HBS1L: variants seen among roughly 807,000 people sequenced by gnomAD.
HBS1L encodes HBS1 like translational GTPase, also known as HBS1-like protein.
HBS1L carries 55 observed loss-of-function variants against 88.9 expected under a neutral mutation model. The observed-to-expected ratio is 0.62, with a 90% CI of 0.50 to 0.77. HBS1L has a LOEUF of 0.77. Ranked by LOEUF, HBS1L falls within the 30% of genes least tolerant of loss-of-function variation. The pLI is 0.00. For synonymous variants in HBS1L, 267 were observed against 288.5 expected (o/e 0.93, Z 0.76); for missense variants, 741 against 829.3 (o/e 0.89, Z 1.31).
intron 4 of HBS1L, among the ~76,000 whole-genome samples, chr6:135,009,719 C>T (rs949155175): frequency 2.0e-5 from 3 of 151,934 alleles, no homozygotes; most frequent in South Asian, 2.1e-4. Context: ...CTGCAAGCTC[C>T]GCCTCCTGGG....
chr6:135,021,035 CA>C, intron 4 of HBS1L, among the ~76,000 whole-genome samples: 1 of 152,068 alleles, frequency 6.6e-6, no homozygotes, highest in Admixed American at 6.5e-5. Context: ...GTATTAGAAA[CA>C]TATTGCTGTG....
intron 2 of HBS1L, among the ~76,000 whole-genome samples, chr6:135,045,944 T>G (rs535533583): frequency 6.6e-6 from 1 of 152,346 alleles, no homozygotes; most frequent in African/African-American, 2.4e-5. Flanking sequence ...ATACGCCACT[T>G]TGTGGACCAT....
intron 8 of HBS1L, among the ~76,000 whole-genome samples, chr6:134,989,549 T>C (rs1225293198): frequency 6.6e-6 from 1 of 152,154 alleles, no homozygotes; most frequent in Admixed American, 6.6e-5. Flanking sequence ...ATTTCAGATA[T>C]AATATATAAT....
chr6:134,969,806 T>C (rs745934205), intron 15 of HBS1L, among the ~76,000 whole-genome samples: 5 of 152,202 alleles, frequency 3.3e-5, no homozygotes, highest in Non-Finnish European at 5.9e-5. Flanking sequence ...TTTATAGCGT[T>C]GTGATGAAAA....
At chr6:134,969,972 G>A (rs1774434852) in intron 15 of HBS1L, among the ~76,000 whole-genome samples, 1 of 152,130 alleles carries the variant, frequency 6.6e-6, no homozygotes, top group East Asian at 1.9e-4. Flanking sequence ...TAGAGGTAAA[G>A]AGGAAGGAAA....
intron 4 of HBS1L, among the ~76,000 whole-genome samples, chr6:135,021,207 A>T (rs1776061395): frequency 6.6e-6 from 1 of 152,086 alleles, no homozygotes; most frequent in Admixed American, 6.5e-5. Context: ...AATTTAGTAC[A>T]TTTGGTGTAA....
In HBS1L at chr6:135,046,867, T is replaced by G. The variant is rs76688402; in HGVS notation, c.109+3715A>C. Among the ~76,000 whole-genome samples the G allele has an allele frequency of 2.0e-3, 298 of 152,352 alleles. 1 individual carries two copies. The highest frequency in any genetic ancestry group is 6.9e-3 in the African/African-American group (288 of 41,586). ...AAATATTCTTCTAAAACCATTCATTTTTTATTGAAAATTACTTGGAAAATA... is the reference window on the plus strand; with the variant it reads ...AAATATTCTTCTAAAACCATTCATTGTTTATTGAAAATTACTTGGAAAATA... On this transcript the variant is annotated intron_variant, in intron 2 of 17. Coordinates refer to ENST00000367837, the MANE Select transcript of HBS1L (RefSeq NM_006620.4).
chr6:135,037,114 T>C (rs1776577942), intron 4 of HBS1L: 2 of 1,551,452 alleles, frequency 1.3e-6, no homozygotes, highest in African/African-American at 1.4e-5. Context: ...ATTCTCAAGG[T>C]CTCTTGTGGG....
chr6:134,994,190 TG>T (rs1385284263), intron 7 of HBS1L, among the ~76,000 whole-genome samples: 1 of 151,976 alleles, frequency 6.6e-6, no homozygotes, highest in South Asian at 2.1e-4. Context: ...CAACTCTAAA[TG>T]GGGGGAAAAT....
At chr6:135,035,381 C>T (rs1165344381) in intron 4 of HBS1L, among the ~76,000 whole-genome samples, 1 of 151,466 alleles carries the variant, frequency 6.6e-6, no homozygotes, top group Non-Finnish European at 1.5e-5. Flanking sequence ...ACCCGGGAGG[C>T]GGAGGCTGCA....
In HBS1L at chr6:135,054,644, C is replaced by T; in HGVS notation, c.43+5G>A. The T allele has an allele frequency of 6.2e-7, 1 of 1,614,248 alleles. No homozygotes were observed. Among genetic ancestry groups the T allele is most frequent in the Non-Finnish European group, 8.5e-7 (1 of 1,180,034 alleles). On this transcript the variant is annotated splice_donor_5th_base_variant and intron_variant, in intron 1 of 17. Coordinates refer to ENST00000367837, the MANE Select transcript of HBS1L (RefSeq NM_006620.4). Reference sequence around the variant, plus strand: ...AGAACGTCCCGGCATGACCCTGCCACCTACCTTCATCGTAGTTATAGCCTC... The same window carrying T: ...AGAACGTCCCGGCATGACCCTGCCATCTACCTTCATCGTAGTTATAGCCTC...
At chr6:134,991,354 A>G (rs1385228625) in intron 8 of HBS1L, among the ~76,000 whole-genome samples, 1 of 152,224 alleles carries the variant, frequency 6.6e-6, no homozygotes. Context: ...CATGGATTCA[A>G]CACAGTACTC....
intron 3 of HBS1L, among the ~76,000 whole-genome samples, 191 bp from the exon 4 acceptor site, chr6:135,039,958 T>C (rs1227014053): frequency 6.6e-6 from 1 of 152,238 alleles, no homozygotes; most frequent in African/African-American, 2.4e-5. Flanking sequence ...AAGGAACGAT[T>C]TCGTTAATTT....
At chr6:135,014,851 C>CAAAAAAAAA (rs57153800) in intron 4 of HBS1L, among the ~76,000 whole-genome samples, 3 of 85,380 alleles carry the variant, frequency 3.5e-5, no homozygotes, top group African/African-American at 4.5e-5. Context: ...ACTGTCTCTA[C>CAAAAAAAAA]AAAAAAAAAA....
intron 2 of HBS1L, 59 bp downstream of exon 2, chr6:135,050,523 C>T: frequency 8.7e-7 from 1 of 1,143,642 alleles, no homozygotes; most frequent in South Asian, 1.4e-5. Flanking sequence ...CCTTGAACGA[C>T]TAACATTTAC....
At chr6:134,996,736 T>C (rs531406320) in intron 7 of HBS1L, 41 bp downstream of exon 7, 1 of 1,438,314 alleles carries the variant, frequency 7.0e-7, no homozygotes, top group South Asian at 1.4e-5. Context: ...TTTAGAAGAC[T>C]GTATGATTTC....
intron 4 of HBS1L, among the ~76,000 whole-genome samples, chr6:135,020,680 A>G (rs760239099): frequency 6.6e-6 from 1 of 152,020 alleles, no homozygotes; most frequent in African/African-American, 2.4e-5. Context: ...TAAAAGTACT[A>G]TATGTACAAT....
chr6:135,049,772 A>T (rs1777022641), intron 2 of HBS1L, among the ~76,000 whole-genome samples: 1 of 152,164 alleles, frequency 6.6e-6, no homozygotes, highest in Admixed American at 6.5e-5. Context: ...GGGTTTCACC[A>T]TGTTGGCCAG....
At chr6:135,039,528 C>A in intron 4 of HBS1L, 45 bp downstream of exon 4, 6 of 1,472,812 alleles carry the variant, frequency 4.1e-6, no homozygotes, top group Non-Finnish European at 4.7e-6. Context: ...TCTCTTTAGG[C>A]ATTAACTATG....
Sources: allele counts gnomAD v4.1 joint callset (sites outside exome capture counted in the v4.1 genomes callset), GRCh38; gene constraint gnomAD v4.1.1; transcripts MANE v1.5; gene names NCBI Gene and HGNC (gene_info 2026-07-23, HGNC 2026-07-21).